The following PPP4R4 variants were observed in gnomAD, a reference collection of about 807,000 sequenced individuals.
PPP4R4 encodes serine/threonine-protein phosphatase 4 regulatory subunit 4.
PPP4R4 carries 70 observed loss-of-function variants against 121.8 expected under a neutral mutation model. The observed-to-expected ratio is 0.57, with a 90% confidence interval of 0.47 to 0.70. The LOEUF is 0.70. Among genes scored for constraint, PPP4R4 ranks in the 30% least tolerant of loss-of-function variants. The probability of loss-of-function intolerance (pLI) is 0.00; values close to 1 mark genes in which losing one functional copy is unlikely to be tolerated. For synonymous variants in PPP4R4, 348 were observed against 355.7 expected (o/e 0.98, Z 0.24); for missense variants, 875 against 1,033.6 (o/e 0.85, Z 2.10).
At chr14:94,260,226 C>G (rs1893708027) in intron 19 of PPP4R4, among the ~76,000 whole-genome samples, 1 of 152,106 alleles carries the variant, frequency 6.6e-6, no homozygotes, top group Middle Eastern at 3.2e-3. Context: ...GAGATCAAGA[C>G]CATCCCGGCT....
At chr14:94,215,400 A>G (rs989296079) in intron 3 of PPP4R4, among the ~76,000 whole-genome samples, 2 of 152,208 alleles carry the variant, frequency 1.3e-5, no homozygotes, top group African/African-American at 4.8e-5. Flanking sequence ...GTTTGCAGCT[A>G]AGAAAACAGG....
At chr14:94,224,743 A>G (rs376504644) in intron 3 of PPP4R4, among the ~76,000 whole-genome samples, 2 of 152,134 alleles carry the variant, frequency 1.3e-5, no homozygotes, top group South Asian at 2.1e-4. Flanking sequence ...TACGGATGTG[A>G]TACTCTGAAC....
chr14:94,275,427 A>T lies in PPP4R4; in HGVS notation c.2503A>T (p.Asn835Tyr), dbSNP rs1566710364. The T allele has an allele frequency of 1.2e-6, 2 of 1,613,884 alleles. No homozygotes were observed. Among genetic ancestry groups the T allele is most frequent in the Non-Finnish European group, 8.5e-7 (1 of 1,179,860 alleles). The change falls in exon 24 of 25, where the codon AAT becomes TAT. Residue 835 changes from asparagine (N) to tyrosine (Y), a missense_variant. By Grantham distance (143) the Asn-to-Tyr change is moderately radical. Coordinates refer to ENST00000304338, the MANE Select transcript of PPP4R4 (RefSeq NM_058237.2). ...TAGCGTTCCATCTTCCTTTTCTCCT[A>T]ATACTCCCTTACCGAGTACTTCCCG... ...ASSVPSSFSPNTPLPSTSRGT... is the reference protein window; with the variant it reads ...ASSVPSSFSPYTPLPSTSRGT...
At chr14:94,177,913 T>A (rs940480685) in intron 2 of PPP4R4, among the ~76,000 whole-genome samples, 12 of 152,200 alleles carry the variant, frequency 7.9e-5, no homozygotes, top group African/African-American at 2.7e-4. Flanking sequence ...TAGTTTCTTG[T>A]GGCTCACCTA....
chr14:94,196,167 T>TC (rs1191270617), intron 2 of PPP4R4, among the ~76,000 whole-genome samples: 1 of 151,504 alleles, frequency 6.6e-6, no homozygotes, highest in Non-Finnish European at 1.5e-5. Context: ...AATCTTTTTT[T>TC]TTTTTTTTGA....
At chr14:94,259,422 G>A (rs1893655709) in intron 19 of PPP4R4, 53 bp downstream of exon 19, 1 of 1,437,026 alleles carries the variant, frequency 7.0e-7, no homozygotes, top group African/African-American at 1.5e-5. Context: ...TAATAACTGT[G>A]TTTTTTTATT....
chr14:94,243,461 T>A (rs1892734649), intron 11 of PPP4R4, among the ~76,000 whole-genome samples: 1 of 152,170 alleles, frequency 6.6e-6, no homozygotes, highest in South Asian at 2.1e-4. Context: ...GTTAGATCAG[T>A]GGTCTCCAGA....
At chr14:94,218,832 G>T (rs1891218077) in intron 3 of PPP4R4, among the ~76,000 whole-genome samples, 1 of 152,076 alleles carries the variant, frequency 6.6e-6, no homozygotes, top group Non-Finnish European at 1.5e-5. Flanking sequence ...AGAGACAAAG[G>T]TGACAATTGA....
chr14:94,235,987 T>A (rs1284190472), intron 7 of PPP4R4, among the ~76,000 whole-genome samples: 1 of 152,144 alleles, frequency 6.6e-6, no homozygotes, highest in Non-Finnish European at 1.5e-5. Flanking sequence ...GTTAATTTTT[T>A]AAAAATCTGG....
chr14:94,248,481 G>T (rs1893010184), intron 14 of PPP4R4, among the ~76,000 whole-genome samples: 1 of 152,086 alleles, frequency 6.6e-6, no homozygotes, highest in East Asian at 1.9e-4. Flanking sequence ...TGACCATATT[G>T]CCCAAAGCAA....
At chr14:94,218,158 G>T (rs570350377) in intron 3 of PPP4R4, among the ~76,000 whole-genome samples, 2 of 152,226 alleles carry the variant, frequency 1.3e-5, no homozygotes, top group Admixed American at 1.3e-4. Context: ...TGAAAAATGA[G>T]AACATCCAAT....
chr14:94,249,799 T>C (rs1046926640), intron 14 of PPP4R4, among the ~76,000 whole-genome samples: 2 of 152,006 alleles, frequency 1.3e-5, no homozygotes, highest in African/African-American at 4.8e-5. Flanking sequence ...TTTTTGGTGA[T>C]GTACCTGACA....
intron 14 of PPP4R4, among the ~76,000 whole-genome samples, chr14:94,247,651 T>C (rs1892967711): frequency 6.6e-6 from 1 of 152,054 alleles, no homozygotes; most frequent in Non-Finnish European, 1.5e-5. Flanking sequence ...AACATCAACA[T>C]AAAAATCCTC....
At chr14:94,176,530 T>C (rs1408339342) in intron 2 of PPP4R4, among the ~76,000 whole-genome samples, 1 of 152,218 alleles carries the variant, frequency 6.6e-6, no homozygotes, top group African/African-American at 2.4e-5. Flanking sequence ...AATCCACAAA[T>C]ATGGTAGTTC....
intron 3 of PPP4R4, among the ~76,000 whole-genome samples, chr14:94,220,565 A>G (rs1467586906): frequency 1.3e-5 from 2 of 152,208 alleles, no homozygotes; most frequent in Non-Finnish European, 2.9e-5. Context: ...TAAGATCAAT[A>G]TACAAAAATC....
chr14:94,234,318 A>G (rs914000525), intron 6 of PPP4R4, among the ~76,000 whole-genome samples: 16 of 152,232 alleles, frequency 1.1e-4, no homozygotes, highest in Admixed American at 3.3e-4. Context: ...TTAGCTATAG[A>G]CATTTCAACT....
At chr14:94,237,984 A>G (rs1470091405) in intron 8 of PPP4R4, among the ~76,000 whole-genome samples, 1 of 152,192 alleles carries the variant, frequency 6.6e-6, no homozygotes, top group Non-Finnish European at 1.5e-5. Flanking sequence ...GCCCCATCTG[A>G]CCTGTTTCTG....
chr14:94,264,759 A>T, intron 19 of PPP4R4, 119 bp from the exon 20 acceptor site: 2 of 768,206 alleles, frequency 2.6e-6, no homozygotes, highest in Non-Finnish European at 4.4e-6. Flanking sequence ...TTGGAAAAAA[A>T]TACTTCTTTT....
chr14:94,219,555 G>C (rs1305855649), intron 3 of PPP4R4, among the ~76,000 whole-genome samples: 1 of 152,098 alleles, frequency 6.6e-6, no homozygotes, highest in African/African-American at 2.4e-5. Context: ...GCATTACCCT[G>C]ATGTATATAT....
Sources: gnomAD v4.1 joint callset for allele counts (sites outside exome capture counted in the v4.1 genomes callset) on GRCh38, gnomAD v4.1.1 for gene constraint, MANE v1.5 for transcripts, NCBI Gene and HGNC (gene_info 2026-07-23, HGNC 2026-07-21) for gene names.